The following CPNE4 variants were observed in gnomAD, a reference collection of about 807,000 sequenced individuals.
CPNE4 encodes copine-4.
CPNE4 carries 25 observed loss-of-function variants against 67.9 expected under a neutral mutation model. The ratio of observed to expected loss-of-function variants is 0.37; its 90% CI spans 0.27 to 0.51. The LOEUF (loss-of-function observed/expected upper bound fraction) is 0.51. CPNE4 is among the 20% of genes least tolerant of loss of function. The pLI is 0.93. For missense variants in CPNE4, 464 were observed against 690.8 expected (o/e 0.67, Z 3.68); for synonymous variants, 242 against 244.9 (o/e 0.99, Z 0.11).
At chr3:131,641,729 T>G (rs1467233698) in intron 7 of CPNE4, among the ~76,000 whole-genome samples, 1 of 152,144 alleles carries the variant, frequency 6.6e-6, no homozygotes. Context: ...AGCAGCACAA[T>G]TCGCAATTGC....
intron 1 of CPNE4, among the ~76,000 whole-genome samples, chr3:131,931,442 T>C (rs2071057798): frequency 6.6e-6 from 1 of 152,172 alleles, no homozygotes; most frequent in South Asian, 2.1e-4. Context: ...TACCTAATTG[T>C]CTTAATAGTA....
intron 2 of CPNE4, among the ~76,000 whole-genome samples, chr3:131,895,561 T>TATTTA (rs1422707963): frequency 3.5e-5 from 3 of 86,196 alleles, no homozygotes; most frequent in Non-Finnish European, 7.2e-5. Context: ...GAGTTAATTT[T>TATTTA]ATTTTTTTTG....
chr3:131,775,841 C>G (rs969993417), intron 2 of CPNE4, among the ~76,000 whole-genome samples: 1 of 152,190 alleles, frequency 6.6e-6, no homozygotes, highest in Non-Finnish European at 1.5e-5. Flanking sequence ...GTCATGGTTT[C>G]TCTGCATTTG....
At chr3:131,608,226 T>G (rs1055941735) in intron 7 of CPNE4, among the ~76,000 whole-genome samples, 1 of 152,168 alleles carries the variant, frequency 6.6e-6, no homozygotes, top group South Asian at 2.1e-4. Flanking sequence ...ATGAAAACTA[T>G]CCCTTTCCTT....
chr3:131,587,672 T>C, intron 7 of CPNE4, 90 bp from the exon 8 acceptor site: 1 of 918,964 alleles, frequency 1.1e-6, no homozygotes, highest in Non-Finnish European at 1.7e-6. Flanking sequence ...AAAGAGTAGA[T>C]GAAAGATGTT....
chr3:131,668,838 C>T (rs903720851), intron 7 of CPNE4, among the ~76,000 whole-genome samples: 2 of 152,192 alleles, frequency 1.3e-5, no homozygotes, highest in African/African-American at 4.8e-5. Context: ...TGCATATTTT[C>T]TTCCAACTTT....
chr3:131,775,695 G>T (rs767166335), intron 2 of CPNE4, among the ~76,000 whole-genome samples: 13 of 152,256 alleles, frequency 8.5e-5, no homozygotes, highest in Non-Finnish European at 1.8e-4. Flanking sequence ...GGCCTTGCTA[G>T]CCACATAGAA....
rs539805546 is a variant in CPNE4, at chr3:131,880,296, T to C, written c.180+24968A>G. ...ACGCCCGGCTAATTTTTTGTGTTTT[T>C]AGTAGAGACGGGTTTTCACCATGTT... On this transcript the variant is annotated intron_variant, in intron 2 of 15. Transcript: ENST00000429747. Among the ~76,000 whole-genome samples the C allele has an allele frequency of 1.2e-4, 18 of 152,196 alleles. No homozygotes were observed. In the East Asian group the frequency reaches 3.3e-3, roughly 28 times the overall value.
intron 4 of CPNE4, among the ~76,000 whole-genome samples, chr3:131,698,250 AAAAG>A (rs1266093654): frequency 0.061 from 8,497 of 140,150 alleles, 439 homozygotes; most frequent in Non-Finnish European, 0.089. Flanking sequence ...AAAAAAAAAA[AAAAG>A]AAAGAAAAGA....
At chr3:131,665,145 G>C (rs182291644) in intron 7 of CPNE4, among the ~76,000 whole-genome samples, 26 of 152,146 alleles carry the variant, frequency 1.7e-4, no homozygotes, top group Non-Finnish European at 3.4e-4. Context: ...AGGACTGCTT[G>C]AGCCCAGGAG....
chr3:131,580,492 G>GCA (rs368187186), intron 9 of CPNE4, among the ~76,000 whole-genome samples: 2 of 143,942 alleles, frequency 1.4e-5, no homozygotes, highest in Admixed American at 6.9e-5. Context: ...ACACACACAC[G>GCA]CACACACACA....
chr3:131,961,387 C>G (rs913515467), intron 1 of CPNE4, among the ~76,000 whole-genome samples: 2 of 152,116 alleles, frequency 1.3e-5, no homozygotes, highest in Non-Finnish European at 2.9e-5. Flanking sequence ...AGCAGTAACT[C>G]TGGTTCCCTC....
chr3:131,789,776 T>C (rs915343558), intron 2 of CPNE4, among the ~76,000 whole-genome samples: 2 of 151,998 alleles, frequency 1.3e-5, no homozygotes, highest in Non-Finnish European at 2.9e-5. Flanking sequence ...TTTAAGAAAG[T>C]CTTGATTTTG....
chr3:131,961,555 T>C (rs75581882), intron 1 of CPNE4, among the ~76,000 whole-genome samples: 221 of 152,312 alleles, frequency 1.5e-3, no homozygotes, highest in Admixed American at 4.1e-3. Context: ...GGATGTATGG[T>C]TGAAAAGAAA....
chr3:132,021,131 G>A (rs1213123808), intron 1 of CPNE4, among the ~76,000 whole-genome samples: 3 of 152,162 alleles, frequency 2.0e-5, no homozygotes, highest in Non-Finnish European at 4.4e-5. Context: ...AGAATCAAAA[G>A]TGTTTACGTT....
At chr3:131,876,286 G>A (rs893025236) in intron 2 of CPNE4, among the ~76,000 whole-genome samples, 31 of 144,858 alleles carry the variant, frequency 2.1e-4, no homozygotes, top group Non-Finnish European at 2.4e-4. Flanking sequence ...AAATAAATAC[G>A]AATACAACCA....
At chr3:131,926,837 T>A (rs560455002) in intron 1 of CPNE4, among the ~76,000 whole-genome samples, 1 of 152,064 alleles carries the variant, frequency 6.6e-6, no homozygotes, top group African/African-American at 2.4e-5. Flanking sequence ...TCTTGAAGGA[T>A]GGGTTGTAGT....
intron 1 of CPNE4, among the ~76,000 whole-genome samples, chr3:131,946,683 C>T (rs966105812): frequency 6.6e-6 from 1 of 152,092 alleles, no homozygotes; most frequent in African/African-American, 2.4e-5. Flanking sequence ...TATTTTCTCC[C>T]ATTCTGTAAA....
intron 10 of CPNE4, among the ~76,000 whole-genome samples, chr3:131,570,139 A>AG (rs1937259006): frequency 6.6e-6 from 1 of 151,774 alleles, no homozygotes; most frequent in Non-Finnish European, 1.5e-5. Context: ...AATAAATATC[A>AG]TAGTATTTAA....
Sources: allele counts gnomAD v4.1 joint callset (sites outside exome capture counted in the v4.1 genomes callset), GRCh38; gene constraint gnomAD v4.1.1; transcripts MANE v1.5; gene names NCBI Gene and HGNC (gene_info 2026-07-23, HGNC 2026-07-21).